Variants in MKLN1 observed in about 807,000 individuals in gnomAD.
MKLN1 encodes muskelin 1.
Under a neutral mutation model 99.0 loss-of-function variants are expected in MKLN1, and 18 were observed. The ratio of observed to expected loss-of-function variants is 0.18; its 90% CI spans 0.13 to 0.27. MKLN1 has a LOEUF of 0.27. Ranked by LOEUF, MKLN1 falls within the 10% of genes least tolerant of loss-of-function variation. MKLN1 has a pLI of 1.00. For missense variants in MKLN1, 621 were observed against 875.9 expected (o/e 0.71, Z 3.67); for synonymous variants, 288 against 293.2 (o/e 0.98, Z 0.18).
intron 12 of MKLN1, among the ~76,000 whole-genome samples, chr7:131,454,659 C>T (rs142244895): frequency 4.5e-4 from 69 of 152,270 alleles, no homozygotes; most frequent in African/African-American, 1.6e-3. Flanking sequence ...TAGTCTAAAC[C>T]AGTCATTATT....
intron 1 of MKLN1, among the ~76,000 whole-genome samples, chr7:131,363,129 A>G (rs1260702173): frequency 6.6e-6 from 1 of 151,904 alleles, no homozygotes; most frequent in Non-Finnish European, 1.5e-5. Context: ...CTGTAGTTTT[A>G]GAAGGAAGAA....
intron 1 of MKLN1, among the ~76,000 whole-genome samples, chr7:131,115,969 G>T (rs1482933607): frequency 6.6e-6 from 1 of 151,962 alleles, no homozygotes; most frequent in Non-Finnish European, 1.5e-5. Flanking sequence ...CCTCTAAAAT[G>T]CAAACCTTGT....
intron 3 of MKLN1, among the ~76,000 whole-genome samples, chr7:131,218,307 A>C (rs570810798): frequency 6.6e-6 from 1 of 152,362 alleles, no homozygotes; most frequent in South Asian, 2.1e-4. Flanking sequence ...TTTAAAGGCA[A>C]GTTATAAAAC....
At chr7:131,469,409 G>A (rs1796755965) in intron 15 of MKLN1, among the ~76,000 whole-genome samples, 1 of 152,138 alleles carries the variant, frequency 6.6e-6, no homozygotes, top group South Asian at 2.1e-4. Flanking sequence ...GAAGAATTCT[G>A]CCAAACTACT....
chr7:131,276,891 T>A (rs6971319), intron 3 of MKLN1, among the ~76,000 whole-genome samples: 124,635 of 152,154 alleles, frequency 0.82, 51,278 homozygotes, highest in East Asian at 0.96. Flanking sequence ...CTAGATGTGG[T>A]TGCTGATCAG....
chr7:131,287,268 A>C (rs1659936529), intron 3 of MKLN1, among the ~76,000 whole-genome samples: 1 of 152,238 alleles, frequency 6.6e-6, no homozygotes, highest in African/African-American at 2.4e-5. Flanking sequence ...TGCCGTAACA[A>C]ATTACTACAA....
At chr7:131,321,752 A>C (rs1461984445) in intron 3 of MKLN1, among the ~76,000 whole-genome samples, 6 of 152,220 alleles carry the variant, frequency 3.9e-5, no homozygotes, top group African/African-American at 1.4e-4. Flanking sequence ...CAAGGTTATG[A>C]CTTAACCAAG....
chr7:131,248,433 G>A (rs1193746576), intron 3 of MKLN1, among the ~76,000 whole-genome samples: 2 of 152,074 alleles, frequency 1.3e-5, no homozygotes, highest in Non-Finnish European at 2.9e-5. Flanking sequence ...CTTATACTGA[G>A]CATAGATGCA....
At chr7:131,338,397 C>T (rs1038205344) in intron 1 of MKLN1, among the ~76,000 whole-genome samples, 8 of 152,326 alleles carry the variant, frequency 5.3e-5, no homozygotes, top group African/African-American at 1.9e-4. Flanking sequence ...GGCTTCTTAG[C>T]CCCTTGGCCT....
intron 3 of MKLN1, among the ~76,000 whole-genome samples, chr7:131,278,275 C>T (rs191474925): frequency 1.1e-3 from 167 of 152,088 alleles, no homozygotes; most frequent in Middle Eastern, 3.4e-3. Flanking sequence ...TGAGCTCAAG[C>T]GATCTGCCCA....
chr7:131,239,313 CT>C (rs1797367800), intron 3 of MKLN1, among the ~76,000 whole-genome samples: 1 of 151,064 alleles, frequency 6.6e-6, no homozygotes, highest in African/African-American at 2.4e-5. Flanking sequence ...ATATGCTTAT[CT>C]TTTTCTTTTT....
chr7:131,175,649 C>G (rs1445549379), intron 2 of MKLN1, among the ~76,000 whole-genome samples: 1 of 152,196 alleles, frequency 6.6e-6, no homozygotes, highest in African/African-American at 2.4e-5. Context: ...TGCCTGTAAT[C>G]CCAGCACTTT....
Position 131,401,398 on chromosome 7 carries a change from A to G in MKLN1, c.703+1965A>G, listed in dbSNP as rs899500526. Among the ~76,000 whole-genome samples, 7 of 152,150 alleles carry G rather than the reference A, an allele frequency of 4.6e-5. No homozygotes were observed. The South Asian group carries it at 1.4e-3, about 31-fold the overall frequency. ...GCAAAAGTAATCACCTAGGGACAGG[A>G]ATGTTTTACTCAGACATGTAGAGAT... On this transcript the variant is annotated intron_variant, in intron 6 of 17. Coordinates refer to ENST00000352689, the MANE Select transcript of MKLN1 (RefSeq NM_013255.5).
At position 131,131,051 on chromosome 7, in the gene MKLN1, C is replaced by CCA. The variant is rs1554526618; in HGVS notation, c.-418-11769_-418-11768insCA. ...TGGGCAACAGAGGGAGACCCTGTCT[C>CCA]AAAAAAAAAAAAAAAAAAAAAAGGT... On this transcript the variant is annotated intron_variant, in intron 1 of 7. Coordinates refer to the MKLN1 transcript ENST00000416992. 6.7e-3 allele frequency among the ~76,000 whole-genome samples: 440 copies of CCA among 65,324 alleles called. 18 individuals are homozygous for CCA. The South Asian group carries it at 0.17, about 25-fold the overall frequency. 42.9% of individuals were successfully genotyped at this position (65,324 alleles called of 152,430 possible).
chr7:131,406,233 C>G (rs1038801276), intron 6 of MKLN1, among the ~76,000 whole-genome samples: 3 of 151,864 alleles, frequency 2.0e-5, no homozygotes, highest in African/African-American at 7.2e-5. Flanking sequence ...TCTTTTCCAT[C>G]TTTTATTTTC....
intron 3 of MKLN1, among the ~76,000 whole-genome samples, chr7:131,245,516 C>A (rs1351246403): frequency 6.6e-6 from 1 of 152,134 alleles, no homozygotes; most frequent in Non-Finnish European, 1.5e-5. Context: ...GATCCGCGCC[C>A]CCCGCCCCCG....
intron 3 of MKLN1, among the ~76,000 whole-genome samples, chr7:131,259,777 A>G (rs2116533570): frequency 6.6e-6 from 1 of 152,306 alleles, no homozygotes; most frequent in African/African-American, 2.4e-5. Context: ...CATCACCACT[A>G]TTTCCAGAAC....
intron 1 of MKLN1, among the ~76,000 whole-genome samples, chr7:131,141,994 C>T (rs186063814): frequency 1.2e-3 from 186 of 152,178 alleles, no homozygotes; most frequent in Middle Eastern, 3.4e-3. Context: ...ATTAAATTTC[C>T]GGCTGGGTGT....
At chr7:131,266,750 C>T (rs962599900) in intron 3 of MKLN1, among the ~76,000 whole-genome samples, 2 of 151,816 alleles carry the variant, frequency 1.3e-5, no homozygotes, top group Non-Finnish European at 2.9e-5. Context: ...AATGCCTTAC[C>T]TCCATTTTCT....
Sources: allele counts gnomAD v4.1 joint callset (sites outside exome capture counted in the v4.1 genomes callset), GRCh38; gene constraint gnomAD v4.1.1; transcripts MANE v1.5; gene names NCBI Gene and HGNC (gene_info 2026-07-23, HGNC 2026-07-21).